The following MSH3 variants were observed in gnomAD, a reference collection of about 807,000 sequenced individuals.
MSH3 encodes the protein DNA mismatch repair protein Msh3.
MSH3 carries 106 observed loss-of-function variants against 123.3 expected under a neutral mutation model. The ratio of observed to expected loss-of-function variants is 0.86; its 90% CI spans 0.73 to 1.01. The LOEUF is 1.01. Ranked by LOEUF, MSH3 falls within the 50% of genes least tolerant of loss-of-function variation. The pLI is 0.00. For missense variants in MSH3, 1,459 were observed against 1,347.6 expected (o/e 1.08, Z -1.29); for synonymous variants, 515 against 481.4 (o/e 1.07, Z -0.91).
chr5:80,690,601 G>A (rs1750208038), intron 8 of MSH3, among the ~76,000 whole-genome samples: 1 of 152,124 alleles, frequency 6.6e-6, no homozygotes, highest in Non-Finnish European at 1.5e-5. Flanking sequence ...ACAGACGTGA[G>A]CCACTGCACC....
chr5:80,690,948 C>T lies in MSH3; in HGVS notation c.1340+11855C>T, dbSNP rs190322726. On this transcript the variant is annotated intron_variant, in intron 8 of 23. Coordinates refer to ENST00000265081, the MANE Select transcript of MSH3 (RefSeq NM_002439.5). ...ATCTGTCTGTATATGCCTTCTAATC[C>T]TCTCTCCAATTCCTATCATGTTTGT... 1.5e-3 allele frequency among the ~76,000 whole-genome samples: 228 copies of T among 151,900 alleles called. 2 individuals carry two copies. The highest frequency in any genetic ancestry group is 5.2e-3 in the African/African-American group (214 of 41,436).
At chr5:80,672,450 C>G (rs1423803304) in intron 5 of MSH3, 90 bp downstream of exon 5, 10 of 958,780 alleles carry the variant, frequency 1.0e-5, no homozygotes, top group Non-Finnish European at 1.5e-5. Context: ...AGGTAGGCTT[C>G]AATTGGTTTA....
At chr5:80,809,731 T>C (rs762082815) in intron 19 of MSH3, among the ~76,000 whole-genome samples, 1 of 152,206 alleles carries the variant, frequency 6.6e-6, no homozygotes, top group Non-Finnish European at 1.5e-5. Flanking sequence ...TTCTTTCACT[T>C]TCCATTTTGT....
intron 13 of MSH3, 78 bp from the exon 14 acceptor site, chr5:80,767,855 C>A: frequency 8.8e-7 from 1 of 1,135,046 alleles, no homozygotes; most frequent in Non-Finnish European, 1.3e-6. Context: ...AATTCTGATT[C>A]TAACTTTTAA....
chr5:80,673,146 T>G (rs1330505236), intron 6 of MSH3, among the ~76,000 whole-genome samples: 2 of 152,184 alleles, frequency 1.3e-5, no homozygotes, highest in African/African-American at 4.8e-5. Flanking sequence ...TGATTTGAAA[T>G]TATATCTTCC....
At chr5:80,815,224 T>TA (rs1160767739) in intron 20 of MSH3, among the ~76,000 whole-genome samples, 11 of 152,274 alleles carry the variant, frequency 7.2e-5, no homozygotes, top group African/African-American at 2.6e-4. Flanking sequence ...CTGATCCCCA[T>TA]ATATGTTTAA....
chr5:80,679,365 T>A (rs916951555), intron 8 of MSH3, among the ~76,000 whole-genome samples: 1 of 152,108 alleles, frequency 6.6e-6, no homozygotes, highest in Admixed American at 6.6e-5. Flanking sequence ...AGATCTCATA[T>A]CTAAAAAACA....
intron 19 of MSH3, among the ~76,000 whole-genome samples, chr5:80,807,526 G>GT (rs1259054796): frequency 6.6e-6 from 1 of 152,230 alleles, no homozygotes; most frequent in Non-Finnish European, 1.5e-5. Flanking sequence ...AGTGAAAATT[G>GT]TGAGAAGTAC....
chr5:80,832,346 C>T (rs1436562445), intron 20 of MSH3, among the ~76,000 whole-genome samples: 2 of 151,998 alleles, frequency 1.3e-5, no homozygotes, highest in African/African-American at 4.8e-5. Context: ...GGAGGCCTGG[C>T]ATGGTGGCTC....
At chr5:80,797,311 G>C (rs192403952) in intron 19 of MSH3, among the ~76,000 whole-genome samples, 3 of 152,132 alleles carry the variant, frequency 2.0e-5, no homozygotes, top group Non-Finnish European at 4.4e-5. Flanking sequence ...CTACATCTCT[G>C]TCACCTATGT....
At chr5:80,692,682 TTATA>T (rs1392772343) in intron 8 of MSH3, among the ~76,000 whole-genome samples, 1 of 139,690 alleles carries the variant, frequency 7.2e-6, no homozygotes, top group African/African-American at 2.6e-5. Flanking sequence ...ATGTTTATGT[TTATA>T]TAGATAAATA....
intron 15 of MSH3, among the ~76,000 whole-genome samples, chr5:80,774,261 C>T (rs1744262032): frequency 6.6e-6 from 1 of 152,024 alleles, no homozygotes; most frequent in African/African-American, 2.4e-5. Flanking sequence ...TATTATCTCA[C>T]CCCAGTTAAA....
intron 19 of MSH3, among the ~76,000 whole-genome samples, chr5:80,806,633 A>G (rs1000429266): frequency 3.2e-4 from 48 of 152,320 alleles, no homozygotes; most frequent in African/African-American, 1.1e-3. Flanking sequence ...TAGCATTATA[A>G]TAACTTTTTA....
intron 22 of MSH3, among the ~76,000 whole-genome samples, chr5:80,870,695 T>C (rs967563446): frequency 2.0e-5 from 3 of 152,212 alleles, no homozygotes; most frequent in African/African-American, 7.2e-5. Context: ...AAAGCTCTTA[T>C]CTGTCTGCTG....
intron 13 of MSH3, among the ~76,000 whole-genome samples, chr5:80,761,949 A>G (rs1744043299): frequency 1.3e-5 from 2 of 152,228 alleles, no homozygotes; most frequent in South Asian, 4.1e-4. Context: ...CTCCTGTTTC[A>G]TCCTGAAAGT....
chr5:80,661,606 T>A (rs918223053), intron 2 of MSH3, among the ~76,000 whole-genome samples: 1 of 152,240 alleles, frequency 6.6e-6, no homozygotes, highest in Non-Finnish European at 1.5e-5. Context: ...ACATTCTTAA[T>A]TATATGGAGC....
chr5:80,811,820 GAT>G (rs1240494896), intron 19 of MSH3, among the ~76,000 whole-genome samples: 7 of 152,166 alleles, frequency 4.6e-5, no homozygotes, highest in Admixed American at 1.3e-4. Flanking sequence ...ATTAAAAAGA[GAT>G]ATAAAATATT....
intron 8 of MSH3, among the ~76,000 whole-genome samples, chr5:80,702,635 A>G (rs1750636129): frequency 6.6e-6 from 1 of 152,216 alleles, no homozygotes. Flanking sequence ...AAGACAGGTA[A>G]CACTTAACTA....
At chr5:80,688,536 A>C (rs1750147121) in intron 8 of MSH3, among the ~76,000 whole-genome samples, 1 of 152,162 alleles carries the variant, frequency 6.6e-6, no homozygotes, top group Admixed American at 6.5e-5. Flanking sequence ...ATATAGTAGA[A>C]ATCACTTATT....
Sources: gnomAD v4.1 joint callset for allele counts (sites outside exome capture counted in the v4.1 genomes callset) on GRCh38, gnomAD v4.1.1 for gene constraint, MANE v1.5 for transcripts, NCBI Gene and HGNC (gene_info 2026-07-23, HGNC 2026-07-21) for gene names.